CHRM5: variants seen among roughly 807,000 people sequenced by gnomAD.
The protein encoded by CHRM5 is cholinergic receptor muscarinic 5.
A neutral mutation model predicts 39.0 loss-of-function variants in CHRM5; 18 were observed. That is an observed-to-expected ratio of 0.46 (90% CI 0.32 to 0.68). The LOEUF is 0.68. Ranked by LOEUF, CHRM5 falls within the 30% of genes least tolerant of loss-of-function variation. The probability of loss-of-function intolerance (pLI) is 0.04; values close to 1 mark genes in which losing one functional copy is unlikely to be tolerated. For missense variants in CHRM5, 515 were observed against 651.1 expected (o/e 0.79, Z 2.28); for synonymous variants, 241 against 246.3 (o/e 0.98, Z 0.20).
intron 1 of CHRM5, among the ~76,000 whole-genome samples, chr15:34,031,526 G>A (rs1041512608): frequency 6.6e-6 from 1 of 152,072 alleles, no homozygotes; most frequent in African/African-American, 2.4e-5. Context: ...AGTTTGACTT[G>A]GTACTAAAGA....
chr15:33,978,337 T>C (rs1895980058), intron 1 of CHRM5, among the ~76,000 whole-genome samples: 2 of 152,156 alleles, frequency 1.3e-5, no homozygotes, highest in South Asian at 4.1e-4. Context: ...GGGGAGTACA[T>C]TTAATAATTG....
chr15:34,038,735 C>T (rs1360610195), intron 1 of CHRM5: 6 of 1,138,314 alleles, frequency 5.3e-6, no homozygotes, highest in African/African-American at 1.7e-5. Flanking sequence ...GCCCCACTTG[C>T]CCCAGTTACA....
At chr15:34,060,873 G>A (rs565929869) in intron 2 of CHRM5, among the ~76,000 whole-genome samples, 66 of 151,744 alleles carry the variant, frequency 4.3e-4, no homozygotes, top group Non-Finnish European at 7.1e-4. Flanking sequence ...TCTGTTAGCC[G>A]GGCGTGGTGG....
intron 1 of CHRM5, among the ~76,000 whole-genome samples, chr15:33,985,482 G>A (rs1047999066): frequency 6.4e-5 from 9 of 139,690 alleles, no homozygotes; most frequent in African/African-American, 1.9e-4. Flanking sequence ...AACCCTGGGG[G>A]AGATATTACC....
intron 1 of CHRM5, among the ~76,000 whole-genome samples, chr15:33,978,631 C>T (rs926822617): frequency 8.6e-5 from 13 of 151,792 alleles, no homozygotes; most frequent in African/African-American, 3.1e-4. Flanking sequence ...CCACTGCATG[C>T]CAGCCTGGGT....
chr15:33,977,029 G>A (rs1026063613), intron 1 of CHRM5, among the ~76,000 whole-genome samples: 1 of 152,096 alleles, frequency 6.6e-6, no homozygotes, highest in African/African-American at 2.4e-5. Context: ...TGGTCACAAT[G>A]GCATGAATTA....
intron 1 of CHRM5, among the ~76,000 whole-genome samples, chr15:34,012,356 G>A (rs761829082): frequency 2.0e-5 from 3 of 152,128 alleles, no homozygotes; most frequent in East Asian, 1.9e-4. Flanking sequence ...ATGATTAAAG[G>A]TCATCTGTAT....
At position 34,064,838 on chromosome 15, in the gene CHRM5, ACTAT is replaced by A. The variant is rs1373452964; in HGVS notation, c.*527_*530del. On this transcript the variant is annotated 3_prime_UTR_variant, in exon 3 of 3. Coordinates refer to ENST00000383263, the MANE Select transcript of CHRM5 (RefSeq NM_012125.4). ...GAATATGTATCTTCATAAACTGATC[ACTAT>A]CTATTATGCAGCTATTATGTGGTCT... The A allele has an allele frequency of 1.7e-5, 3 of 180,372 alleles. No individual in the cohort carries two copies. Among genetic ancestry groups the A allele is most frequent in the African/African-American group, 4.8e-5 (2 of 41,580 alleles). The allele number at this position is 180,372 out of a possible 1,614,324, so 11.2% of individuals were successfully genotyped here. A position where few individuals can be genotyped will look rare whatever the true frequency, so the allele number is the denominator to read the frequency against.
At chr15:34,030,082 C>T (rs1224339047) in intron 1 of CHRM5, among the ~76,000 whole-genome samples, 1 of 151,984 alleles carries the variant, frequency 6.6e-6, no homozygotes, top group Non-Finnish European at 1.5e-5. Flanking sequence ...GGTGCGACCC[C>T]ATCTCTACTA....
intron 1 of CHRM5, among the ~76,000 whole-genome samples, chr15:34,007,890 T>G (rs956146044): frequency 6.6e-6 from 1 of 152,192 alleles, no homozygotes; most frequent in Admixed American, 6.5e-5. Flanking sequence ...CCTTTGCCAT[T>G]TTCACATGGC....
At chr15:34,032,836 G>A (rs1898925084) in intron 1 of CHRM5, among the ~76,000 whole-genome samples, 1 of 152,212 alleles carries the variant, frequency 6.6e-6, no homozygotes. Flanking sequence ...TTGAGGATGT[G>A]TAACTCTAAA....
chr15:34,027,181 G>A lies in CHRM5; in HGVS notation c.-407-19359G>A, dbSNP rs75210915. The stretch of plus-strand genomic sequence containing the variant: ...AAACAGCTAAATCTCAGTATGAACA[G>A]TAACGTGCCCCATTCCCATTCCACT... On this transcript the variant is annotated intron_variant, in intron 1 of 2. Coordinates refer to ENST00000383263, the MANE Select transcript of CHRM5 (RefSeq NM_012125.4). Among the ~76,000 whole-genome samples, 596 of 152,208 alleles carry A rather than the reference G, an allele frequency of 3.9e-3. 22 individuals are homozygous for A. The East Asian group carries it at 0.078, about 20-fold the overall frequency.
intron 1 of CHRM5, among the ~76,000 whole-genome samples, chr15:34,030,271 T>C (rs1898711878): frequency 6.6e-6 from 1 of 152,116 alleles, no homozygotes; most frequent in African/African-American, 2.4e-5. Context: ...AAAAGAACTA[T>C]GAATTCCAAA....
intron 2 of CHRM5, among the ~76,000 whole-genome samples, chr15:34,049,371 T>C (rs1899846272): frequency 6.6e-6 from 1 of 152,170 alleles, no homozygotes; most frequent in South Asian, 2.1e-4. Flanking sequence ...ACAGACCTAA[T>C]GGTGCTGAAA....
intron 1 of CHRM5, among the ~76,000 whole-genome samples, chr15:34,031,305 G>A (rs543236827): frequency 1.1e-4 from 17 of 151,144 alleles, no homozygotes; most frequent in African/African-American, 4.1e-4. Flanking sequence ...CTCCCGAGTA[G>A]CTGGGATTAC....
chr15:34,019,593 C>G (rs770470094), intron 1 of CHRM5, among the ~76,000 whole-genome samples: 11 of 152,300 alleles, frequency 7.2e-5, no homozygotes, highest in Non-Finnish European at 1.5e-4. Context: ...TCATGGAAAG[C>G]ACCCCATACA....
At chr15:34,056,765 C>G (rs1382271681) in intron 2 of CHRM5, among the ~76,000 whole-genome samples, 2 of 152,006 alleles carry the variant, frequency 1.3e-5, no homozygotes, top group Admixed American at 6.6e-5. Context: ...TGATGTAATC[C>G]CAGCACTTTG....
At chr15:34,006,686 G>A (rs1405937399) in intron 1 of CHRM5, among the ~76,000 whole-genome samples, 2 of 152,152 alleles carry the variant, frequency 1.3e-5, no homozygotes, top group Non-Finnish European at 2.9e-5. Flanking sequence ...TAACTCACCA[G>A]TCCCCAAATT....
intron 1 of CHRM5, among the ~76,000 whole-genome samples, chr15:34,020,394 A>C (rs941161170): frequency 1.4e-4 from 21 of 152,346 alleles, no homozygotes; most frequent in African/African-American, 4.8e-4. Context: ...TGCCTTTACA[A>C]GTTGGTTGCA....
Sources: allele counts gnomAD v4.1 joint callset (sites outside exome capture counted in the v4.1 genomes callset), GRCh38; gene constraint gnomAD v4.1.1; transcripts MANE v1.5; gene names NCBI Gene and HGNC (gene_info 2026-07-23, HGNC 2026-07-21).